Variants in MDGA2 observed in about 807,000 individuals in gnomAD.
MDGA2 encodes MAM domain-containing glycosylphosphatidylinositol anchor protein 2.
Under a neutral mutation model 117.8 loss-of-function variants are expected in MDGA2, and 40 were observed. That is an observed-to-expected ratio of 0.34 (90% confidence interval 0.26 to 0.44). The LOEUF (loss-of-function observed/expected upper bound fraction) is 0.44, where lower values mean the gene tolerates loss of function less well. Ranked by LOEUF, MDGA2 falls within the 20% of genes least tolerant of loss-of-function variation. MDGA2 has a pLI of 1.00. For synonymous variants in MDGA2, 452 were observed against 439.0 expected (o/e 1.03, Z -0.37); for missense variants, 1,123 against 1,250.6 (o/e 0.90, Z 1.54).
chr14:47,325,788 C>T (rs915692831), intron 1 of MDGA2, among the ~76,000 whole-genome samples: 4 of 151,994 alleles, frequency 2.6e-5, no homozygotes, highest in African/African-American at 7.2e-5. Context: ...GTGGGCCAAA[C>T]GAGCAAGAGC....
At chr14:47,333,953 T>C (rs1890366735) in intron 1 of MDGA2, among the ~76,000 whole-genome samples, 1 of 151,974 alleles carries the variant, frequency 6.6e-6, no homozygotes, top group East Asian at 1.9e-4. Context: ...ATTGTAAATA[T>C]GGTTCAGATA....
At chr14:47,348,493 T>C (rs1279012821) in intron 1 of MDGA2, among the ~76,000 whole-genome samples, 2 of 152,202 alleles carry the variant, frequency 1.3e-5, no homozygotes, top group Non-Finnish European at 2.9e-5. Context: ...AGTATAGGCA[T>C]GAGCTACCGC....
At chr14:47,101,769 C>T (rs1880337844) in intron 5 of MDGA2, among the ~76,000 whole-genome samples, 1 of 151,996 alleles carries the variant, frequency 6.6e-6, no homozygotes, top group Non-Finnish European at 1.5e-5. Context: ...AGTGGGAATT[C>T]CAAATTGATA....
chr14:46,905,629 T>C (rs1289718438), intron 10 of MDGA2, among the ~76,000 whole-genome samples: 1 of 152,162 alleles, frequency 6.6e-6, no homozygotes, highest in East Asian at 1.9e-4. Flanking sequence ...TACAAAAATA[T>C]TGTAAAAGAG....
chr14:47,464,870 C>G (rs1446867874), intron 1 of MDGA2, among the ~76,000 whole-genome samples: 1 of 151,806 alleles, frequency 6.6e-6, no homozygotes. Flanking sequence ...CAATCCTAAG[C>G]AAACAAAACA....
intron 1 of MDGA2, among the ~76,000 whole-genome samples, chr14:47,607,895 TTCA>T (rs1394662033): frequency 6.6e-6 from 1 of 152,130 alleles, no homozygotes; most frequent in Non-Finnish European, 1.5e-5. Context: ...AGGAAAAGTG[TTCA>T]TAATATGATA....
At chr14:47,066,979 G>T (rs1890107524) in intron 6 of MDGA2, among the ~76,000 whole-genome samples, 1 of 152,086 alleles carries the variant, frequency 6.6e-6, no homozygotes, top group Non-Finnish European at 1.5e-5. Context: ...GCTAGGCGTG[G>T]TGGCAGGCGC....
chr14:47,554,768 G>A (rs1437669473), intron 1 of MDGA2, among the ~76,000 whole-genome samples: 1 of 152,128 alleles, frequency 6.6e-6, no homozygotes, highest in Non-Finnish European at 1.5e-5. Flanking sequence ...AGAAGACTTA[G>A]AATACAGAGT....
chr14:47,066,647 T>G (rs1890092937), intron 6 of MDGA2, among the ~76,000 whole-genome samples: 1 of 152,186 alleles, frequency 6.6e-6, no homozygotes, highest in African/African-American at 2.4e-5. Context: ...CAAAAGGGCT[T>G]GTTTATATGC....
At chr14:47,589,397 G>A (rs774090429) in intron 1 of MDGA2, among the ~76,000 whole-genome samples, 6 of 151,928 alleles carry the variant, frequency 3.9e-5, no homozygotes, top group Admixed American at 1.3e-4. Context: ...TCTTTTGCAT[G>A]TGCACATCCA....
chr14:47,595,432 G>A (rs1030569502), intron 1 of MDGA2, among the ~76,000 whole-genome samples: 4 of 151,572 alleles, frequency 2.6e-5, no homozygotes, highest in African/African-American at 9.7e-5. Context: ...TACTCGGGAG[G>A]CTGAGGCACG....
chr14:46,879,930 A>T (rs922632958), intron 11 of MDGA2, among the ~76,000 whole-genome samples: 9 of 152,242 alleles, frequency 5.9e-5, no homozygotes, highest in Middle Eastern at 3.4e-3. Flanking sequence ...CTTTCCCCTT[A>T]AGCAGGAAAC....
At chr14:47,145,550 C>CT (rs1332420083) in intron 3 of MDGA2, among the ~76,000 whole-genome samples, 2 of 152,126 alleles carry the variant, frequency 1.3e-5, no homozygotes, top group African/African-American at 2.4e-5. Context: ...TTAGTATATA[C>CT]TTTAAGTATG....
chr14:46,907,691 C>A (rs1883550736), intron 10 of MDGA2, among the ~76,000 whole-genome samples: 1 of 152,170 alleles, frequency 6.6e-6, no homozygotes, highest in Non-Finnish European at 1.5e-5. Flanking sequence ...TACTCAAATG[C>A]CATCTCCTTA....
At chr14:46,969,037 A>G (rs1277049089) in intron 8 of MDGA2, among the ~76,000 whole-genome samples, 1 of 152,128 alleles carries the variant, frequency 6.6e-6, no homozygotes, top group East Asian at 1.9e-4. Flanking sequence ...GCTGAGAATG[A>G]TGGTTTCCAG....
At chr14:47,296,380 G>T (rs1482329783) in intron 2 of MDGA2, among the ~76,000 whole-genome samples, 1 of 152,116 alleles carries the variant, frequency 6.6e-6, no homozygotes, top group Admixed American at 6.6e-5. Context: ...ACACTGGGAG[G>T]TGCAATTGGC....
intron 1 of MDGA2, among the ~76,000 whole-genome samples, chr14:47,382,984 T>C (rs931797443): frequency 6.6e-6 from 1 of 152,110 alleles, no homozygotes; most frequent in African/African-American, 2.4e-5. Context: ...ACTGGATTAA[T>C]AAAATGTGGC....
intron 8 of MDGA2, among the ~76,000 whole-genome samples, chr14:47,002,530 C>G (rs754909294): frequency 1.3e-5 from 2 of 151,922 alleles, no homozygotes; most frequent in Non-Finnish European, 2.9e-5. Flanking sequence ...GAGTTCAAGA[C>G]CAGCCTGACC....
intron 9 of MDGA2, among the ~76,000 whole-genome samples, chr14:46,937,916 A>G (rs1237760174): frequency 3.3e-5 from 5 of 152,036 alleles, no homozygotes; most frequent in Admixed American, 2.0e-4. Context: ...ATAAGACTTC[A>G]AAAACACAGG....
Sources: gnomAD v4.1 joint callset for allele counts (sites outside exome capture counted in the v4.1 genomes callset) on GRCh38, gnomAD v4.1.1 for gene constraint, MANE v1.5 for transcripts, NCBI Gene and HGNC (gene_info 2026-07-23, HGNC 2026-07-21) for gene names.